JAK1: variants seen among roughly 807,000 people sequenced by gnomAD.
JAK1 encodes the protein Janus kinase 1.
In JAK1, 16 loss-of-function variants were observed where a neutral mutation model predicts 136.6. That is an observed-to-expected ratio of 0.12 (90% CI 0.08 to 0.18). The LOEUF (loss-of-function observed/expected upper bound fraction) is 0.18. Among genes scored for constraint, JAK1 ranks in the 10% least tolerant of loss-of-function variants. The probability of loss-of-function intolerance (pLI) is 1.00; values close to 1 mark genes in which losing one functional copy is unlikely to be tolerated. For missense variants in JAK1, 859 were observed against 1,450.1 expected (o/e 0.59, Z 6.62); for synonymous variants, 492 against 519.5 (o/e 0.95, Z 0.72).
chr1:64,837,523 G>A (rs1654563695), intron 22 of JAK1, among the ~76,000 whole-genome samples: 1 of 152,148 alleles, frequency 6.6e-6, no homozygotes, highest in Non-Finnish European at 1.5e-5. Flanking sequence ...CTCTGTCCAG[G>A]AGTTCCCTGA....
intron 2 of JAK1, among the ~76,000 whole-genome samples, chr1:65,023,858 C>T (rs542987537): frequency 1.1e-4 from 17 of 151,344 alleles, no homozygotes; most frequent in South Asian, 6.3e-4. Flanking sequence ...GGAGTCATAC[C>T]GTATTTATTA....
At chr1:64,997,046 TAAAAAC>T (rs1208990014) in intron 2 of JAK1, among the ~76,000 whole-genome samples, 2 of 152,162 alleles carry the variant, frequency 1.3e-5, no homozygotes, top group Admixed American at 6.5e-5. Context: ...CTTACATAGT[TAAAAAC>T]AAAAACAAAC....
At chr1:64,959,673 CT>C (rs1646248933) in intron 1 of JAK1, among the ~76,000 whole-genome samples, 1 of 152,126 alleles carries the variant, frequency 6.6e-6, no homozygotes, top group South Asian at 2.1e-4. Context: ...ATAAAAGCAC[CT>C]TTGTTAGTCA....
intron 1 of JAK1, among the ~76,000 whole-genome samples, chr1:64,941,417 TC>T (rs1282918652): frequency 6.6e-6 from 1 of 152,154 alleles, no homozygotes; most frequent in African/African-American, 2.4e-5. Flanking sequence ...CTGGGACTTA[TC>T]CAGTTATTAT....
chr1:64,869,581 G>C lies in JAK1; in HGVS notation c.484-107C>G, dbSNP rs566769573. The C allele has an allele frequency of 6.1e-6, 5 of 820,444 alleles. No individual in the cohort carries two copies. In the African/African-American group the frequency reaches 6.8e-5, roughly 11 times the overall value. 50.8% of individuals were successfully genotyped at this position (820,444 alleles called of 1,614,324 possible). ...TAGAAACGCAGCACAGCAACGAGAC[G>C]AATCAGATTGGCAGTTTCTCTAGCA... On this transcript the variant is annotated intron_variant, in intron 5 of 24. Coordinates refer to ENST00000342505, the MANE Select transcript of JAK1 (RefSeq NM_002227.4).
At chr1:65,013,408 C>CA (rs1030014594) in intron 2 of JAK1, among the ~76,000 whole-genome samples, 11 of 146,156 alleles carry the variant, frequency 7.5e-5, no homozygotes, top group Non-Finnish European at 1.1e-4. Flanking sequence ...AAAAAAAAAA[C>CA]AAAAAAAACA....
intron 22 of JAK1, among the ~76,000 whole-genome samples, chr1:64,837,064 G>T (rs113418350): frequency 6.6e-6 from 1 of 152,034 alleles, no homozygotes; most frequent in Non-Finnish European, 1.5e-5. Flanking sequence ...TCTAGCAACC[G>T]TCTGTCTAAA....
At chr1:65,019,196 A>G (rs1312165513) in intron 2 of JAK1, among the ~76,000 whole-genome samples, 1 of 152,176 alleles carries the variant, frequency 6.6e-6, no homozygotes, top group Non-Finnish European at 1.5e-5. Flanking sequence ...AAACACATAC[A>G]AGAAGGAACA....
chr1:64,845,976 G>A (rs1190933439), intron 14 of JAK1, among the ~76,000 whole-genome samples: 9 of 152,226 alleles, frequency 5.9e-5, no homozygotes, highest in African/African-American at 1.9e-4. Flanking sequence ...CGCCACCACT[G>A]CTGCTGTTCT....
At chr1:64,849,185 G>C (rs903720252) in intron 12 of JAK1, among the ~76,000 whole-genome samples, 7 of 151,780 alleles carry the variant, frequency 4.6e-5, no homozygotes, top group African/African-American at 1.7e-4. Context: ...CCTCCAGGAG[G>C]AGACCCTGAT....
chr1:64,867,767 G>A (rs1656794467), intron 6 of JAK1, among the ~76,000 whole-genome samples: 1 of 152,342 alleles, frequency 6.6e-6, no homozygotes, highest in Non-Finnish European at 1.5e-5. Flanking sequence ...GAGGCGGGCG[G>A]ATCATCTGAG....
intron 1 of JAK1, among the ~76,000 whole-genome samples, chr1:64,900,917 C>T (rs1645095270): frequency 1.3e-5 from 2 of 152,154 alleles, no homozygotes; most frequent in South Asian, 4.1e-4. Flanking sequence ...CTTTGCTGTC[C>T]CCACTCATCC....
chr1:64,994,737 G>A (rs1646688581), intron 2 of JAK1, among the ~76,000 whole-genome samples: 1 of 152,152 alleles, frequency 6.6e-6, no homozygotes, highest in African/African-American at 2.4e-5. Context: ...TGGCCGAGAA[G>A]TGATTTGGAG....
chr1:64,873,223 G>T lies in JAK1; in HGVS notation c.483+147C>A, dbSNP rs1328894427. The stretch of plus-strand genomic sequence containing the variant: ...TGCTGCCTTTTTTCTCCTCACTTGG[G>T]GCAAGTCCAGGTGTGGCAAGAACTT... On this transcript the variant is annotated intron_variant, in intron 5 of 24. Transcript: ENST00000342505. 4.9e-6 allele frequency: 4 copies of T among 823,634 alleles called. 1 individual carries two copies. Among genetic ancestry groups the T allele is most frequent in the Non-Finnish European group, 7.6e-6 (4 of 523,346 alleles). The allele number at this position is 823,634 out of a possible 1,614,324, so 51.0% of individuals were successfully genotyped here.
chr1:65,041,906 G>A (rs1647137414), intron 2 of JAK1, among the ~76,000 whole-genome samples: 1 of 152,104 alleles, frequency 6.6e-6, no homozygotes, highest in South Asian at 2.1e-4. Flanking sequence ...CAGGCATGTT[G>A]GCAGATGCCT....
intron 2 of JAK1, among the ~76,000 whole-genome samples, chr1:65,008,559 GCATGCCCCACTGACTTTTCCTTA>G (rs1231180552): frequency 1.3e-5 from 2 of 152,066 alleles, no homozygotes; most frequent in African/African-American, 4.8e-5. Context: ...GCATGAGCCA[GCATGCCCCACTGACTTTTCCTTA>G]CAGCTGTACA....
chr1:65,016,034 AG>A (rs2100781011), intron 2 of JAK1, among the ~76,000 whole-genome samples: 1 of 152,374 alleles, frequency 6.6e-6, no homozygotes, highest in East Asian at 1.9e-4. Context: ...AAGTTCTGAT[AG>A]ATGCCCCATG....
intron 2 of JAK1, among the ~76,000 whole-genome samples, chr1:64,885,037 T>C (rs1480580437): frequency 6.6e-6 from 1 of 152,162 alleles, no homozygotes; most frequent in African/African-American, 2.4e-5. Flanking sequence ...CTTGGTCTAT[T>C]AGCTCCCCTG....
At chr1:65,030,081 G>A (rs1363453359) in intron 2 of JAK1, among the ~76,000 whole-genome samples, 2 of 152,148 alleles carry the variant, frequency 1.3e-5, no homozygotes, top group African/African-American at 2.4e-5. Flanking sequence ...TAGGTTTAGC[G>A]AGATTATGAG....
Sources: allele counts gnomAD v4.1 joint callset (sites outside exome capture counted in the v4.1 genomes callset), GRCh38; gene constraint gnomAD v4.1.1; transcripts MANE v1.5; gene names NCBI Gene and HGNC (gene_info 2026-07-23, HGNC 2026-07-21).